The following NTRK3 variants were observed in gnomAD, a reference collection of about 807,000 sequenced individuals.
NTRK3 encodes neurotrophic receptor tyrosine kinase 3.
NTRK3 carries 24 observed loss-of-function variants against 91.7 expected under a neutral mutation model. That is an observed-to-expected ratio of 0.26 (90% CI 0.19 to 0.37). The LOEUF (loss-of-function observed/expected upper bound fraction) is 0.37. Ranked by LOEUF, NTRK3 falls within the 10% of genes least tolerant of loss-of-function variation. NTRK3 has a pLI of 1.00. For synonymous variants in NTRK3, 483 were observed against 404.0 expected (o/e 1.20, Z -2.34); for missense variants, 880 against 1,068.9 (o/e 0.82, Z 2.46).
At chr15:87,891,342 G>T (rs147997890) in intron 17 of NTRK3, among the ~76,000 whole-genome samples, 1 of 152,188 alleles carries the variant, frequency 6.6e-6, no homozygotes, top group Non-Finnish European at 1.5e-5. Context: ...TTTCATGTTT[G>T]CTTTTAATTT....
At chr15:88,058,242 G>C (rs1283392762) in intron 13 of NTRK3, among the ~76,000 whole-genome samples, 1 of 152,176 alleles carries the variant, frequency 6.6e-6, no homozygotes, top group Admixed American at 6.5e-5. Flanking sequence ...TACGACGTCA[G>C]ACAGTTCTTG....
chr15:87,939,021 C>T (rs2069554061), intron 15 of NTRK3, among the ~76,000 whole-genome samples: 1 of 152,140 alleles, frequency 6.6e-6, no homozygotes, highest in South Asian at 2.1e-4. Context: ...GGAAAATACC[C>T]GCCCTCATTA....
chr15:88,090,979 C>G (rs996849666), intron 13 of NTRK3, among the ~76,000 whole-genome samples: 1 of 152,206 alleles, frequency 6.6e-6, no homozygotes, highest in East Asian at 1.9e-4. Flanking sequence ...AAAAAAAGAA[C>G]AGCCAATACT....
chr15:87,962,343 T>C (rs1048720984), intron 14 of NTRK3, among the ~76,000 whole-genome samples: 1 of 152,120 alleles, frequency 6.6e-6, no homozygotes, highest in African/African-American at 2.4e-5. Context: ...AGAGGATATA[T>C]TTCTCCTGCC....
intron 14 of NTRK3, among the ~76,000 whole-genome samples, chr15:87,963,446 A>G (rs559802850): frequency 2.0e-5 from 3 of 152,314 alleles, no homozygotes; most frequent in African/African-American, 7.2e-5. Context: ...TCATTCTCAT[A>G]TATGGACAGT....
chr15:88,138,085 G>T (rs1439275896), intron 6 of NTRK3, among the ~76,000 whole-genome samples: 1 of 151,418 alleles, frequency 6.6e-6, no homozygotes, highest in Non-Finnish European at 1.5e-5. Context: ...CTCACTTCAT[G>T]CAACTGTCTA....
At chr15:88,226,081 T>C (rs978834464) in intron 3 of NTRK3, among the ~76,000 whole-genome samples, 1 of 152,214 alleles carries the variant, frequency 6.6e-6, no homozygotes, top group African/African-American at 2.4e-5. Flanking sequence ...CACTCTGTGA[T>C]GTCCCCACTG....
intron 17 of NTRK3, among the ~76,000 whole-genome samples, chr15:87,906,023 T>C (rs1012004567): frequency 1.3e-5 from 2 of 152,190 alleles, no homozygotes; most frequent in African/African-American, 2.4e-5. Flanking sequence ...AGCCCACACA[T>C]GGGACATTCG....
chr15:88,013,928 A>G (rs927509011), intron 14 of NTRK3, among the ~76,000 whole-genome samples: 8 of 152,216 alleles, frequency 5.3e-5, no homozygotes, highest in African/African-American at 1.7e-4. Context: ...TAGGCGATAC[A>G]GTGAGACCCT....
intron 13 of NTRK3, among the ~76,000 whole-genome samples, chr15:88,113,349 T>G (rs887861018): frequency 8.0e-6 from 1 of 124,792 alleles, no homozygotes; most frequent in African/African-American, 3.2e-5. Context: ...AGAGTCTCAC[T>G]CCATTGCCCA....
intron 14 of NTRK3, among the ~76,000 whole-genome samples, chr15:88,022,627 A>C (rs979878040): frequency 6.6e-6 from 1 of 152,142 alleles, no homozygotes; most frequent in Non-Finnish European, 1.5e-5. Context: ...AGCGAAACAG[A>C]AAGGACCCAC....
At chr15:88,175,703 T>G (rs565914819) in intron 5 of NTRK3, among the ~76,000 whole-genome samples, 1 of 152,334 alleles carries the variant, frequency 6.6e-6, no homozygotes, top group African/African-American at 2.4e-5. Context: ...GGGCCAGACA[T>G]TCTCCTCAAT....
chr15:87,980,494 T>A (rs2074147602), intron 14 of NTRK3, among the ~76,000 whole-genome samples: 1 of 152,184 alleles, frequency 6.6e-6, no homozygotes, highest in South Asian at 2.1e-4. Context: ...TTTCCATGTG[T>A]GTTTGCATGT....
intron 14 of NTRK3, among the ~76,000 whole-genome samples, chr15:88,026,594 T>C (rs1395589924): frequency 2.0e-5 from 3 of 152,198 alleles, no homozygotes; most frequent in African/African-American, 7.2e-5. Context: ...CCCACAGAAC[T>C]TGTCCAACAC....
chr15:88,110,996 A>G (rs11073763), intron 13 of NTRK3, among the ~76,000 whole-genome samples: 94,876 of 151,840 alleles, frequency 0.62, 31,132 homozygotes, highest in African/African-American at 0.84. Context: ...CACAAAGACA[A>G]GACTGGGCTG....
intron 3 of NTRK3, among the ~76,000 whole-genome samples, chr15:88,198,525 T>G (rs1054519934): frequency 6.6e-6 from 1 of 152,126 alleles, no homozygotes; most frequent in African/African-American, 2.4e-5. Context: ...ACCCTCTAAT[T>G]CCTGAGAAAT....
exon 19 of NTRK3, chr15:87,876,413 G>A (rs1172117496): frequency 1.7e-5 from 4 of 228,694 alleles, no homozygotes; most frequent in Non-Finnish European, 2.6e-5. Flanking sequence ...ACATGTGCCT[G>A]TGGTGAGCTT....
chr15:87,935,697 C>T (rs957535567), intron 15 of NTRK3, among the ~76,000 whole-genome samples: 4 of 152,196 alleles, frequency 2.6e-5, no homozygotes, highest in African/African-American at 9.6e-5. Flanking sequence ...AATGGCCTCT[C>T]TCCATCTCTT....
chr15:88,080,186 T>A (rs2047920392), intron 13 of NTRK3, among the ~76,000 whole-genome samples: 1 of 152,226 alleles, frequency 6.6e-6, no homozygotes. Context: ...TGAACTTTTG[T>A]GGCCATCTCT....
Sources: gnomAD v4.1 joint callset for allele counts (sites outside exome capture counted in the v4.1 genomes callset) on GRCh38, gnomAD v4.1.1 for gene constraint, MANE v1.5 for transcripts, NCBI Gene and HGNC (gene_info 2026-07-23, HGNC 2026-07-21) for gene names.